Variants in RRP9 observed in about 807,000 individuals in gnomAD.
RRP9 encodes U3 small nucleolar RNA-interacting protein 2.
RRP9 carries 35 observed loss-of-function variants against 65.5 expected under a neutral mutation model. That is an observed-to-expected ratio of 0.53 (90% CI 0.41 to 0.71). The LOEUF is 0.71. Among genes scored for constraint, RRP9 ranks in the 30% least tolerant of loss-of-function variants. The pLI, the probability that RRP9 is intolerant of heterozygous loss-of-function variation, is 0.00. For synonymous variants in RRP9, 254 were observed against 245.0 expected (o/e 1.04, Z -0.34); for missense variants, 533 against 633.6 (o/e 0.84, Z 1.70).
In RRP9 at chr3:51,935,821, A is replaced by G. The variant is rs1699451412; in HGVS notation, c.736-129T>C. 5.7e-6 allele frequency: 4 copies of G among 706,368 alleles called. No homozygotes were observed. The East Asian group carries it at 1.1e-4, about 19-fold the overall frequency. 43.8% of individuals were successfully genotyped at this position (706,368 alleles called of 1,614,324 possible). A position where few individuals can be genotyped will look rare whatever the true frequency, so the allele number is the denominator to read the frequency against. ...GCTGTGAGGCAATTTTGTACTGCCC[A>G]CATGCCCATCTGCCCCTGAGCAGAT... On this transcript the variant is annotated intron_variant, in intron 8 of 14. Transcript: ENST00000232888.
In RRP9 at chr3:51,941,781, CT is replaced by C; in HGVS notation, c.86del (p.Lys29ArgfsTer17). 1 of 1,558,870 alleles carries C rather than the reference CT, an allele frequency of 6.4e-7. No homozygotes were observed. Among genetic ancestry groups the C allele is most frequent in the Non-Finnish European group, 8.6e-7 (1 of 1,159,910 alleles). On this transcript the variant is annotated frameshift_variant and splice_region_variant, in exon 1 of 15. Transcript: ENST00000232888. LOFTEE classifies it high-confidence loss of function. ...CGGCCCTCAGAAGCGCCATGCTCAC[CT>C]TTCGCCGCCGCTTGCCGGCCCCCGC... ...AGAGAGKRRR[K>X]ADSAGDRGKS... is the part of the protein sequence containing the mutation.
At chr3:51,935,797 C>T in intron 8 of RRP9, 105 bp from the exon 9 acceptor site, 1 of 867,162 alleles carries the variant, frequency 1.2e-6, no homozygotes, top group Non-Finnish European at 1.9e-6. Flanking sequence ...GTGGCACGTG[C>T]TGTGAGGCAA....
Position 51,933,497 on chromosome 3 carries a change from A to G in RRP9, c.*9T>C. On this transcript the variant is annotated 3_prime_UTR_variant, in exon 15 of 15. Coordinates refer to ENST00000232888, the MANE Select transcript of RRP9 (RefSeq NM_004704.5). ...CCTGGGAAGGACTTAAATAAGGAGGATAAGAGTGTCAGGAACCAGCAGCTG... is the reference window on the plus strand; with the variant it reads ...CCTGGGAAGGACTTAAATAAGGAGGGTAAGAGTGTCAGGAACCAGCAGCTG... The G allele has an allele frequency of 6.2e-7, 1 of 1,609,926 alleles. No homozygotes were observed. The highest frequency in any genetic ancestry group is 8.5e-7 in the Non-Finnish European group (1 of 1,176,414).
chr3:51,938,103 C>A lies in RRP9; in HGVS notation c.272G>T (p.Arg91Leu). Residue 91 changes from arginine (R) to leucine (L), a missense_variant, in exon 3 of 15, where the codon CGT becomes CTT. This residue lies in a region of RRP9 where 449 missense variants were observed against 550.6 expected (regional missense o/e 0.82). Coordinates refer to ENST00000232888, the MANE Select transcript of RRP9 (RefSeq NM_004704.5). ...RLAKLYLEQL[R>L]QQEEEKAEAR... ...CCTGCCCACTGGCTCACCTTGCTGACGGAGCTGCTCTAGGTAGAGCTTGGC... is the reference window on the plus strand; with the variant it reads ...CCTGCCCACTGGCTCACCTTGCTGAAGGAGCTGCTCTAGGTAGAGCTTGGC... 3 of 1,599,688 alleles carry A rather than the reference C, an allele frequency of 1.9e-6. No homozygotes were observed.
Position 51,934,340 on chromosome 3 carries a change from GGCCCTGTGC to G in RRP9, c.1260+123_1260+131del. 2 of 870,850 alleles carry G rather than the reference GGCCCTGTGC, an allele frequency of 2.3e-6. No homozygotes were observed. The highest frequency in any genetic ancestry group is 3.5e-6 in the Non-Finnish European group (2 of 566,696). The allele number at this position is 870,850 out of a possible 1,614,324, so 53.9% of individuals were successfully genotyped here. A position where few individuals can be genotyped will look rare whatever the true frequency, so the allele number is the denominator to read the frequency against. ...GGGAAAGTGGGGAGGGTTCCTGCCA[GGCCCTGTGC>G]TAGGAGCTGGCCCTGCCCTGAGAAG... On this transcript the variant is annotated intron_variant, in intron 13 of 14. Transcript: ENST00000232888. This position sits in a 1 kb window ranked among gnomAD's most constrained non-coding sequence, Gnocchi z 4.1.
intron 11 of RRP9, 22 bp downstream of exon 11, chr3:51,935,175 A>G: frequency 1.9e-6 from 3 of 1,612,870 alleles, no homozygotes; most frequent in African/African-American, 2.7e-5. Flanking sequence ...CCGTGGCCAG[A>G]GACATCCAAA....
At chr3:51,936,700 C>G (rs1205135491) in intron 6 of RRP9, 145 bp from the exon 7 acceptor site, 2 of 830,400 alleles carry the variant, frequency 2.4e-6, no homozygotes, top group Non-Finnish European at 3.7e-6. Context: ...CGTGAGCCTC[C>G]GGACAAGCTG....
rs1699450244 is a variant in RRP9, at chr3:51,935,687, C to T, written c.741G>A (p.Leu247=). 1.2e-6 allele frequency: 2 copies of T among 1,613,804 alleles called. No individual in the cohort carries two copies. The highest frequency in any genetic ancestry group is 1.7e-5 in the Admixed American group (1 of 60,000). ...FTGHRDAVSG[L]AFRRGTHQLY... ...GCTGGTGGGTGCCTCTGCGGAATGC[C>T]AGACCCTAAGGGTGCATGGGGAGAG... Residue 247 remains leucine (L), a synonymous_variant, in exon 9 of 15, where the codon CTG becomes CTA. Coordinates refer to ENST00000232888, the MANE Select transcript of RRP9 (RefSeq NM_004704.5).
chr3:51,939,345 C>G lies in RRP9; in HGVS notation c.171-1141G>C, dbSNP rs528538641. 3.3e-5 allele frequency among the ~76,000 whole-genome samples: 5 copies of G among 152,368 alleles called. No homozygotes were observed. In the South Asian group the frequency reaches 8.3e-4, roughly 25 times the overall value. On this transcript the variant is annotated intron_variant, in intron 2 of 14. Transcript: ENST00000232888. ...AGGGACCTGTGTTAACTTCGGACTT[C>G]TACTCAATTTAGCCAAACTAATTAA...
chr3:51,938,272 C>A, intron 2 of RRP9, 68 bp from the exon 3 acceptor site: 1 of 1,231,492 alleles, frequency 8.1e-7, no homozygotes, highest in South Asian at 1.4e-5. Flanking sequence ...ATCGTGCCTT[C>A]TGGATGCTCA....
rs1699533001 is a variant in RRP9 at position 51,941,562 on chromosome 3, C to CCA, written c.88-72_88-71insTG. 2.9e-6 allele frequency: 4 copies of CCA among 1,401,222 alleles called. No homozygotes were observed. In the African/African-American group the frequency reaches 4.3e-5, roughly 15 times the overall value. The allele number at this position is 1,401,222 out of a possible 1,614,324, so 86.8% of individuals were successfully genotyped here. ...CTGGCATTGACCAAGGGCCCCCCCC[C>CCA]CTCGGTTCCCTCAGAACCCCAGGAA... On this transcript the variant is annotated intron_variant, in intron 1 of 14. Transcript: ENST00000232888.
intron 2 of RRP9, 94 bp from the exon 3 acceptor site, chr3:51,938,298 T>TCC: frequency 1.2e-6 from 1 of 852,044 alleles, no homozygotes; most frequent in Non-Finnish European, 1.8e-6. Flanking sequence ...CCATCCAACC[T>TCC]CCCCTATTCC....
In RRP9 at chr3:51,934,284, C is replaced by T. The variant is rs1166336092; in HGVS notation, c.1260+188G>A. ...CTGACTTGTACCCCAGCACCCTGGA[C>T]AGGGCCTAGGATAGGAAGGGGAGCA... is the stretch of plus-strand genomic sequence containing the variant. On this transcript the variant is annotated intron_variant, in intron 13 of 14. Coordinates refer to ENST00000232888, the MANE Select transcript of RRP9 (RefSeq NM_004704.5). This position sits in a 1 kb window ranked among gnomAD's most constrained non-coding sequence, Gnocchi z 4.1. Among the ~76,000 whole-genome samples the T allele has an allele frequency of 6.6e-6, 1 of 152,206 alleles. No individual in the cohort carries two copies. The highest frequency in any genetic ancestry group is 1.5e-5 in the Non-Finnish European group (1 of 68,034).
Position 51,937,132 on chromosome 3 carries a change from C to T in RRP9, c.517+60G>A. 6.3e-7 allele frequency: 1 copy of T among 1,599,786 alleles called. No homozygotes were observed. The highest frequency in any genetic ancestry group is 1.1e-5 in the South Asian group (1 of 89,620). ...AGCCTGCCATGACCACTCCCACTCC[C>T]CTGACCAGCCCTCCCGGATCCGCCA... is the stretch of plus-strand genomic sequence containing the variant. On this transcript the variant is annotated intron_variant, in intron 6 of 14. Coordinates refer to ENST00000232888, the MANE Select transcript of RRP9 (RefSeq NM_004704.5). This position sits in a 1 kb window ranked among gnomAD's most constrained non-coding sequence, Gnocchi z 5.0.
In RRP9 at chr3:51,934,562, T is replaced by C. The variant is rs1216447485; in HGVS notation, c.1181-11A>G. On this transcript the variant is annotated splice_polypyrimidine_tract_variant and intron_variant, in intron 12 of 14. Coordinates refer to ENST00000232888, the MANE Select transcript of RRP9 (RefSeq NM_004704.5). The surrounding 1 kb of genome is among the most constrained non-coding windows in gnomAD (Gnocchi z 4.1). ...AGGAGCTGTGGGAGCCTGGGGAGACTGGAACAGTGAGCAACCCCTGCACCG... is the reference window on the plus strand; with the variant it reads ...AGGAGCTGTGGGAGCCTGGGGAGACCGGAACAGTGAGCAACCCCTGCACCG... 1 of 1,613,800 alleles carries C rather than the reference T, an allele frequency of 6.2e-7. No individual in the cohort carries two copies. Among genetic ancestry groups the C allele is most frequent in the South Asian group, 1.1e-5 (1 of 91,072 alleles).
intron 6 of RRP9, 59 bp from the exon 7 acceptor site, chr3:51,936,614 C>T (rs184820069): frequency 7.6e-5 from 119 of 1,562,732 alleles, no homozygotes; most frequent in Non-Finnish European, 1.0e-4. Flanking sequence ...GGCTGGCAAC[C>T]CCCCTCAAGG....
Position 51,941,829 on chromosome 3 carries a change from C to T in RRP9, c.39G>A (p.Pro13=). Residue 13 remains proline (P), a synonymous_variant, in exon 1 of 15, where the codon CCG becomes CCA. Coordinates refer to ENST00000232888, the MANE Select transcript of RRP9 (RefSeq NM_004704.5). ...CCGCGCCAGCCCCGGCCCCAGAGGC[C>T]GGCTTTCCCCGCTTACGAGCAGCCG... ...ATAAARKRGK[P]ASGAGAGAGA... is the part of the protein sequence containing the mutation. 3 of 1,582,484 alleles carry T rather than the reference C, an allele frequency of 1.9e-6. No individual in the cohort carries two copies. Among genetic ancestry groups the T allele is most frequent in the East Asian group, 2.3e-5 (1 of 43,638 alleles).
chr3:51,933,468 A>G lies in RRP9; in HGVS notation c.*38T>C, dbSNP rs1164435267. On this transcript the variant is annotated 3_prime_UTR_variant, in exon 15 of 15. Coordinates refer to ENST00000232888, the MANE Select transcript of RRP9 (RefSeq NM_004704.5). The stretch of plus-strand genomic sequence containing the variant: ...GCTTTTAATACAAAGAGGGTGGGGC[A>G]TAGCCTGGGAAGGACTTAAATAAGG... 2.0e-6 allele frequency: 3 copies of G among 1,500,104 alleles called. No individual in the cohort carries two copies. The African/African-American group carries it at 4.2e-5, about 21-fold the overall frequency. 92.9% of individuals were successfully genotyped at this position (1,500,104 alleles called of 1,614,324 possible).
chr3:51,941,502 T>C lies in RRP9; in HGVS notation c.88-11A>G, dbSNP rs756131047. 1 of 1,613,508 alleles carries C rather than the reference T, an allele frequency of 6.2e-7. No homozygotes were observed. The highest frequency in any genetic ancestry group is 1.1e-5 in the South Asian group (1 of 91,078). ...CCCCGCAGAGTCGGCCTGGGAATTA[T>C]ACGGTCTTTTCTTTGGTCAGGGGTC... On this transcript the variant is annotated splice_polypyrimidine_tract_variant and intron_variant, in intron 1 of 14. Transcript: ENST00000232888.
Sources: gnomAD v4.1 joint callset for allele counts (sites outside exome capture counted in the v4.1 genomes callset) on GRCh38, gnomAD v4.1.1 for gene constraint, gnomAD v4.1.1 regional missense constraint, Gnocchi (gnomAD v3.1) non-coding constraint, MANE v1.5 for transcripts, NCBI Gene and HGNC (gene_info 2026-07-23, HGNC 2026-07-21) for gene names.